Variants in ZNF732 observed in about 807,000 individuals in gnomAD.
The protein encoded by ZNF732 is zinc finger protein LOC654254.
In ZNF732, 12 loss-of-function variants were observed where a neutral mutation model predicts 11.5. That is an observed-to-expected ratio of 1.05 (90% confidence interval 0.67 to 1.70). The LOEUF is 1.70. Among genes scored for constraint, ZNF732 ranks in the 40% most tolerant of loss-of-function variants. ZNF732 has a pLI of 0.00. For synonymous variants in ZNF732, 231 were observed against 236.5 expected (o/e 0.98, Z 0.21); for missense variants, 702 against 676.9 (o/e 1.04, Z -0.41).
At position 299,472 on chromosome 4, in the gene ZNF732, T is replaced by TAC. The variant is rs536385252; in HGVS notation, c.4-3319_4-3318dup. On this transcript the variant is annotated intron_variant, in intron 1 of 3. Coordinates refer to ENST00000419098, the MANE Select transcript of ZNF732 (RefSeq NM_001137608.3). Reference sequence around the variant, plus strand: ...ATATACACATATGTGTATATATATATACACATATATACACATATGTGTGTA... The same window carrying TAC: ...ATATACACATATGTGTATATATATATACACACATATATACACATATGTGTGTA... Among the ~76,000 whole-genome samples the TAC allele has an allele frequency of 3.6e-3, 290 of 80,912 alleles. 19 individuals carry two copies. In the East Asian group the frequency reaches 0.057, roughly 16 times the overall value. The allele number at this position is 80,912 out of a possible 152,430, so 53.1% of individuals were successfully genotyped here.
chr4:274,832 G>T (rs1553838449), intron 3 of ZNF732, among the ~76,000 whole-genome samples: 1 of 151,596 alleles, frequency 6.6e-6, no homozygotes. Context: ...TTCATTTACT[G>T]GGAACTAATG....
chr4:272,732 A>G lies in ZNF732; in HGVS notation c.227-102T>C, dbSNP rs1719416442. On this transcript the variant is annotated intron_variant, in intron 3 of 3. Coordinates refer to ENST00000419098, the MANE Select transcript of ZNF732 (RefSeq NM_001137608.3). Reference sequence around the variant, plus strand: ...ATACAAAGTACATTAGTAAGATGGCATAACAAAATACCACAGGCCATAATT... The same window carrying G: ...ATACAAAGTACATTAGTAAGATGGCGTAACAAAATACCACAGGCCATAATT... 16 of 1,110,224 alleles carry G rather than the reference A, an allele frequency of 1.4e-5. No individual in the cohort carries two copies. In the South Asian group the frequency reaches 1.6e-4, roughly 11 times the overall value. 68.8% of individuals were successfully genotyped at this position (1,110,224 alleles called of 1,614,324 possible).
At position 299,504 on chromosome 4, in the gene ZNF732, C is replaced by T. The variant is rs184961933; in HGVS notation, c.4-3349G>A. Reference sequence around the variant, plus strand: ...ATATACACATATGTGTGTATATATACACACATATACGTATATATGTGTATA... The same window carrying T: ...ATATACACATATGTGTGTATATATATACACATATACGTATATATGTGTATA... On this transcript the variant is annotated intron_variant, in intron 1 of 3. Transcript: ENST00000419098. Among the ~76,000 whole-genome samples, 66 of 78,476 alleles carry T rather than the reference C, an allele frequency of 8.4e-4. 3 individuals are homozygous for T. Among genetic ancestry groups the T allele is most frequent in the African/African-American group, 2.4e-3 (45 of 18,760 alleles). The allele number at this position is 78,476 out of a possible 152,430, so 51.5% of individuals were successfully genotyped here.
intron 3 of ZNF732, among the ~76,000 whole-genome samples, chr4:282,248 G>C (rs142143511): frequency 3.3e-3 from 499 of 152,246 alleles, no homozygotes; most frequent in African/African-American, 0.011. Context: ...TGTGTTGAAA[G>C]GAGTAAAACT....
At position 271,718 on chromosome 4, in the gene ZNF732, T is replaced by G. The variant is rs782070059; in HGVS notation, c.1139A>C (p.His380Pro). 1.2e-6 allele frequency: 2 copies of G among 1,612,996 alleles called. No homozygotes were observed. Among genetic ancestry groups the G allele is most frequent in the South Asian group, 1.1e-5 (1 of 90,932 alleles). Residue 380 changes from histidine to proline, a missense_variant, in exon 4 of 4, where the codon CAT becomes CCT. Coordinates refer to ENST00000419098, the MANE Select transcript of ZNF732 (RefSeq NM_001137608.3). ...TTTCTCTCCAGTATGAATACTCTTA[T>G]GTTTATTAAGGGTTGCGGATTGTCT... The part of the protein sequence containing the change: ...AFRQSATLNK[H>P]KSIHTGEKPY...
In ZNF732 at chr4:272,278, T is replaced by A. The variant is rs782672327; in HGVS notation, c.579A>T (p.Lys193Asn). Residue 193 changes from lysine to asparagine, a missense_variant, in exon 4 of 4, where the codon AAA (lysine) becomes AAT (asparagine). Lys to Asn is a moderately conservative substitution (Grantham distance 94). This residue lies in a region of ZNF732 where 596 missense variants were observed against 557.9 expected (regional missense o/e 1.07). Transcript: ENST00000419098. ...TGCCACATTCTTCACATGTGTAGGG[T>A]TTCTCTCCAGCATGAATTCCTTGAT... is the stretch of plus-strand genomic sequence containing the variant. Reference protein sequence around the residue: ...TQHQGIHAGEKPYTCEECGKD... With the variant: ...TQHQGIHAGENPYTCEECGKD... 6.2e-7 allele frequency: 1 copy of A among 1,613,380 alleles called. No individual in the cohort carries two copies. Among genetic ancestry groups the A allele is most frequent in the South Asian group, 1.1e-5 (1 of 90,992 alleles).
intron 3 of ZNF732, among the ~76,000 whole-genome samples, chr4:286,115 T>C (rs1016230743): frequency 7.2e-5 from 11 of 152,206 alleles, no homozygotes; most frequent in Admixed American, 3.9e-4. Context: ...ATACTTTAAA[T>C]TGCAGCAGCT....
At chr4:289,338 C>T (rs1719794137) in intron 3 of ZNF732, among the ~76,000 whole-genome samples, 1 of 152,230 alleles carries the variant, frequency 6.6e-6, no homozygotes, top group Non-Finnish European at 1.5e-5. Flanking sequence ...CTTTTACTTT[C>T]CTTTGAAACT....
chr4:275,717 AAAT>A (rs1218636491), intron 3 of ZNF732, among the ~76,000 whole-genome samples: 1 of 151,850 alleles, frequency 6.6e-6, no homozygotes, highest in Non-Finnish European at 1.5e-5. Context: ...TCAATTATTA[AAAT>A]AATGAAATAT....
chr4:289,834 A>T (rs1191614167), intron 3 of ZNF732, among the ~76,000 whole-genome samples: 1 of 152,214 alleles, frequency 6.6e-6, no homozygotes, highest in East Asian at 1.9e-4. Flanking sequence ...CTACGATCCC[A>T]TCACCTCCCA....
chr4:297,251 C>T (rs1244909406), intron 1 of ZNF732, among the ~76,000 whole-genome samples: 2 of 150,296 alleles, frequency 1.3e-5, no homozygotes, highest in African/African-American at 4.9e-5. Flanking sequence ...TGGGCGACAG[C>T]GAGACTCCAT....
At position 271,298 on chromosome 4, in the gene ZNF732, T is replaced by G. The variant is rs1581529040; in HGVS notation, c.1559A>C (p.His520Pro). 1 of 1,597,900 alleles carries G rather than the reference T, an allele frequency of 6.3e-7. No homozygotes were observed. The highest frequency in any genetic ancestry group is 8.5e-7 in the Non-Finnish European group (1 of 1,171,220). ...AFGWSTYLSK[H>P]KKIHTGEKPY... ...TTTCTCTCCAGTATGAATTTTCTTA[T>G]GTTTACTCAGGTATGTGGACCATCC... The change falls in exon 4 of 4, where the codon CAT (histidine) becomes CCT (proline). Residue 520 changes from histidine (H) to proline (P), a missense_variant. Transcript: ENST00000419098.
chr4:283,620 A>T (rs934729976), intron 3 of ZNF732, among the ~76,000 whole-genome samples: 76 of 152,238 alleles, frequency 5.0e-4, no homozygotes, highest in African/African-American at 1.8e-3. Context: ...ATATATAAAC[A>T]TATATTAAAA....
rs912653797 is a variant in ZNF732 at position 271,930 on chromosome 4, C to G, written c.927G>C (p.Gln309His). The G allele has an allele frequency of 1.2e-6, 2 of 1,603,318 alleles. No homozygotes were observed. The highest frequency in any genetic ancestry group is 2.7e-5 in the African/African-American group (2 of 73,254). ...IHTGEKLYKC[Q>H]ECGKVFNRST... ...ACCTATTAAAGACTTTGCCACATTC[C>G]TGACATTTGTAGAGTTTCTCTCCGG... Residue 309 changes from glutamine to histidine, a missense_variant, in exon 4 of 4, where the codon CAG becomes CAC. Coordinates refer to ENST00000419098, the MANE Select transcript of ZNF732 (RefSeq NM_001137608.3).
At chr4:299,424 T>TATATATATATATAC (rs1560165159) in intron 1 of ZNF732, among the ~76,000 whole-genome samples, 4 of 98,096 alleles carry the variant, frequency 4.1e-5, no homozygotes, top group Admixed American at 1.3e-4. Flanking sequence ...TACACATATA[T>TATATATATATATAC]ACACATATGT....
chr4:285,544 A>C (rs1389796125), intron 3 of ZNF732, among the ~76,000 whole-genome samples: 1 of 152,168 alleles, frequency 6.6e-6, no homozygotes, highest in African/African-American at 2.4e-5. Flanking sequence ...CCTAGCGTGC[A>C]TGTGTGTGAA....
chr4:288,598 A>G (rs1267406829), intron 3 of ZNF732, among the ~76,000 whole-genome samples: 1 of 152,124 alleles, frequency 6.6e-6, no homozygotes, highest in East Asian at 1.9e-4. Flanking sequence ...TCTATCATCT[A>G]TTTGTTTTCC....
At chr4:273,685 C>G (rs894007171) in intron 3 of ZNF732, among the ~76,000 whole-genome samples, 5 of 151,778 alleles carry the variant, frequency 3.3e-5, no homozygotes, top group African/African-American at 1.2e-4. Context: ...GTTACACACA[C>G]AGATTTACAG....
At chr4:273,825 CTA>C (rs1719438670) in intron 3 of ZNF732, among the ~76,000 whole-genome samples, 1 of 150,052 alleles carries the variant, frequency 6.7e-6, no homozygotes, top group East Asian at 2.0e-4. Context: ...GTCAACAAAA[CTA>C]TTTCGCAACA....
Sources: allele counts gnomAD v4.1 joint callset (sites outside exome capture counted in the v4.1 genomes callset), GRCh38; gene constraint gnomAD v4.1.1; regional missense constraint gnomAD v4.1.1; transcripts MANE v1.5; gene names NCBI Gene and HGNC (gene_info 2026-07-23, HGNC 2026-07-21).